The following BRME1 variants were observed in gnomAD, a reference collection of about 807,000 sequenced individuals.
BRME1 encodes break repair meiotic recombinase recruitment factor 1, also known as BRCA2 and MEILB2-associating protein 1.
In BRME1, 31 loss-of-function variants were observed where a neutral mutation model predicts 52.6. The ratio of observed to expected loss-of-function variants is 0.59; its 90% CI spans 0.44 to 0.80. The LOEUF (loss-of-function observed/expected upper bound fraction) is 0.80. Ranked by LOEUF, BRME1 falls within the 30% of genes least tolerant of loss-of-function variation. The pLI is 0.00. For synonymous variants in BRME1, 359 were observed against 353.6 expected (o/e 1.02, Z -0.17); for missense variants, 804 against 860.3 (o/e 0.93, Z 0.82).
intron 7 of BRME1, among the ~76,000 whole-genome samples, chr19:13,884,749 AC>A: frequency 6.7e-6 from 1 of 148,696 alleles, no homozygotes; most frequent in South Asian, 2.1e-4. Context: ...AGTGGGGGCC[AC>A]CCGCCCTAAA....
At chr19:13,892,158 T>C (rs542902089) in intron 5 of BRME1, among the ~76,000 whole-genome samples, 4 of 151,676 alleles carry the variant, frequency 2.6e-5, no homozygotes, top group East Asian at 2.0e-4. Flanking sequence ...GTTGGGATCA[T>C]AGGCATGAGC....
intron 2 of BRME1, among the ~76,000 whole-genome samples, chr19:13,901,976 GGC>G (rs1970324966): frequency 6.6e-6 from 1 of 151,888 alleles, no homozygotes; most frequent in East Asian, 1.9e-4. Context: ...GGGAGGTCGA[GGC>G]TGCAGCGAGC....
At position 13,893,752 on chromosome 19, in the gene BRME1, A is replaced by G. The variant is rs147432936; in HGVS notation, c.207-529T>C. On this transcript the variant is annotated intron_variant, in intron 3 of 8. Transcript: ENST00000586783. ...AGCAACATAGTGAGACCCCTTTTCT[A>G]CAAAAAATTTAAAAATTAGCTGGAC... 2.6e-3 allele frequency among the ~76,000 whole-genome samples: 401 copies of G among 152,074 alleles called. 1 individual carries two copies. The highest frequency in any genetic ancestry group is 9.4e-3 in the African/African-American group (389 of 41,476).
At chr19:13,895,132 G>A (rs1387089156) in intron 3 of BRME1, among the ~76,000 whole-genome samples, 4 of 152,006 alleles carry the variant, frequency 2.6e-5, no homozygotes, top group Admixed American at 2.6e-4. Context: ...TCCCCCCTCG[G>A]CCTCCCAAAG....
At chr19:13,896,510 T>C (rs944595304) in intron 2 of BRME1, among the ~76,000 whole-genome samples, 1 of 146,694 alleles carries the variant, frequency 6.8e-6, no homozygotes, top group Non-Finnish European at 1.5e-5. Flanking sequence ...CTATATATAT[T>C]ATATATCCCA....
At chr19:13,896,145 CTA>C (rs1018981540) in intron 2 of BRME1, among the ~76,000 whole-genome samples, 17 of 152,116 alleles carry the variant, frequency 1.1e-4, no homozygotes, top group African/African-American at 4.1e-4. Context: ...TGGCACCCAC[CTA>C]TAGTCCCAGC....
At chr19:13,887,760 C>T (rs1267887042) in intron 6 of BRME1, among the ~76,000 whole-genome samples, 2 of 147,378 alleles carry the variant, frequency 1.4e-5, no homozygotes, top group Admixed American at 1.3e-4. Context: ...CTGAACCACA[C>T]TGTGACTCAC....
intron 2 of BRME1, among the ~76,000 whole-genome samples, chr19:13,901,953 T>C (rs1468511193): frequency 6.6e-6 from 1 of 150,426 alleles, no homozygotes; most frequent in African/African-American, 2.5e-5. Flanking sequence ...GGTGGGAAGA[T>C]CACCTGAGCC....
intron 5 of BRME1, among the ~76,000 whole-genome samples, chr19:13,892,266 C>T (rs926188036): frequency 3.9e-5 from 6 of 152,002 alleles, no homozygotes; most frequent in African/African-American, 1.5e-4. Flanking sequence ...CGGAAATTCA[C>T]TCTGTACCAT....
chr19:13,903,332 C>T (rs1361519853), intron 2 of BRME1, among the ~76,000 whole-genome samples: 2 of 151,994 alleles, frequency 1.3e-5, no homozygotes, highest in African/African-American at 4.8e-5. Flanking sequence ...CATCCCTGGC[C>T]TCCACCCACT....
In BRME1 at chr19:13,889,640, T is replaced by G; in HGVS notation, c.1216A>C (p.Lys406Gln). The change falls in exon 6 of 9, where the codon AAG becomes CAG. Residue 406 changes from lysine (K) to glutamine (Q), a missense_variant. Lys to Gln is a moderately conservative substitution (Grantham distance 53, BLOSUM62 1). Coordinates refer to ENST00000586783, the MANE Select transcript of BRME1 (RefSeq NM_001345843.2). ...CCCACTAGGACATCGCCGGGGGGCT[T>G]GCCATCCTGCCCTGCCTCCCCACTT... The part of the protein sequence containing the change: ...GESGEAGQDG[K>Q]PPGDVLVGPT... The G allele has an allele frequency of 1.2e-6, 2 of 1,607,768 alleles. No homozygotes were observed. Among genetic ancestry groups the G allele is most frequent in the Non-Finnish European group, 1.7e-6 (2 of 1,176,600 alleles).
At position 13,889,636 on chromosome 19, in the gene BRME1, G is replaced by T. The variant is rs1368059521; in HGVS notation, c.1220C>A (p.Pro407His). 1 of 1,607,884 alleles carries T rather than the reference G, an allele frequency of 6.2e-7. No homozygotes were observed. Among genetic ancestry groups the T allele is most frequent in the South Asian group, 1.1e-5 (1 of 90,582 alleles). ...AGGGCCCACTAGGACATCGCCGGGG[G>T]GCTTGCCATCCTGCCCTGCCTCCCC... ...ESGEAGQDGK[P>H]PGDVLVGPTA... The change falls in exon 6 of 9, where the codon CCC (proline) becomes CAC (histidine). Residue 407 changes from proline to histidine, a missense_variant. Around this residue, in one of 3 missense-constraint regions of BRME1, gnomAD observed 552 missense variants for 561.1 expected, o/e 0.98. Transcript: ENST00000586783.
At chr19:13,891,135 T>TTTTTTTTTTTTTTTATTATTATTATTA (rs59151567) in intron 5 of BRME1, among the ~76,000 whole-genome samples, 8 of 146,632 alleles carry the variant, frequency 5.5e-5, no homozygotes, top group African/African-American at 2.1e-4. Context: ...CAATTTCCTG[T>TTTTTTTTTTTTTTTATTATTATTATTA]TTATTATTAT....
intron 2 of BRME1, among the ~76,000 whole-genome samples, chr19:13,901,312 G>T (rs1970277278): frequency 6.6e-6 from 1 of 152,026 alleles, no homozygotes; most frequent in African/African-American, 2.4e-5. Flanking sequence ...TGATGAAATT[G>T]TATAGGTATG....
rs890526064 is a variant in BRME1, at chr19:13,883,261, C to A, written c.1856+47G>T. Reference sequence around the variant, plus strand: ...CCCTCCCTGCTCCTCTGAGTCCCCACTGGCCTCCCGCAGACCCTGTGCCGT... The same window carrying A: ...CCCTCCCTGCTCCTCTGAGTCCCCAATGGCCTCCCGCAGACCCTGTGCCGT... On this transcript the variant is annotated intron_variant, in intron 8 of 8. Transcript: ENST00000586783. This position sits in a 1 kb window ranked among gnomAD's most constrained non-coding sequence, Gnocchi z 4.2. 1.4e-6 allele frequency: 2 copies of A among 1,477,048 alleles called. No homozygotes were observed. Among genetic ancestry groups the A allele is most frequent in the Non-Finnish European group, 1.8e-6 (2 of 1,095,542 alleles). 91.5% of individuals were successfully genotyped at this position (1,477,048 alleles called of 1,614,324 possible).
Position 13,895,492 on chromosome 19 carries a change from T to C in BRME1, c.86A>G (p.Tyr29Cys), listed in dbSNP as rs1450763952. ...CAACATGGAACTCTGGGGGTCCCCA[T>C]AGAAGTCTCCTAGCCTTGGGTTCTT... ...PLKNPRLGDF[Y>C]GDPQSSMLGC... The change falls in exon 3 of 9, where the codon TAT (tyrosine) becomes TGT (cysteine). Residue 29 changes from tyrosine to cysteine, a missense_variant. Around this residue, in one of 3 missense-constraint regions of BRME1, gnomAD observed 234 missense variants for 258.1 expected, o/e 0.91. Transcript: ENST00000586783. 3.7e-6 allele frequency: 6 copies of C among 1,614,046 alleles called. No individual in the cohort carries two copies. The highest frequency in any genetic ancestry group is 3.3e-5 in the Admixed American group (2 of 60,002).
At chr19:13,893,322 G>A (rs893210327) in intron 3 of BRME1, 99 bp from the exon 4 acceptor site, 8 of 999,874 alleles carry the variant, frequency 8.0e-6, no homozygotes, top group African/African-American at 1.7e-5. Context: ...GCAGATCACC[G>A]AGGCCAGGAG....
intron 4 of BRME1, 110 bp from the exon 5 acceptor site, chr19:13,893,000 C>T: frequency 2.9e-6 from 4 of 1,361,332 alleles, no homozygotes; most frequent in Non-Finnish European, 3.1e-6. Flanking sequence ...GAGAGAACTC[C>T]ACCCTTGCCC....
intron 5 of BRME1, among the ~76,000 whole-genome samples, chr19:13,892,110 C>T (rs984104520): frequency 5.3e-5 from 8 of 151,520 alleles, no homozygotes; most frequent in African/African-American, 1.9e-4. Context: ...AGAGTCTTGC[C>T]ATGTTGCCCA....
Sources: allele counts gnomAD v4.1 joint callset (sites outside exome capture counted in the v4.1 genomes callset), GRCh38; gene constraint gnomAD v4.1.1; regional missense constraint gnomAD v4.1.1; non-coding constraint Gnocchi (gnomAD v3.1); transcripts MANE v1.5; gene names NCBI Gene and HGNC (gene_info 2026-07-23, HGNC 2026-07-21).